The following ZNF704 variants were observed in gnomAD, a reference collection of about 807,000 sequenced individuals.
ZNF704 encodes the protein zinc finger protein 704, also known as glucocorticoid induced gene 1.
Under a neutral mutation model 44.7 loss-of-function variants are expected in ZNF704, and 10 were observed. That is an observed-to-expected ratio of 0.22 (90% CI 0.14 to 0.38). ZNF704 has a LOEUF of 0.38. Ranked by LOEUF, ZNF704 falls within the 10% of genes least tolerant of loss-of-function variation. The probability of loss-of-function intolerance (pLI) is 1.00; values close to 1 mark genes in which losing one functional copy is unlikely to be tolerated. For missense variants in ZNF704, 390 were observed against 545.5 expected, an observed-to-expected ratio of 0.71 and a Z score of 2.84; for synonymous variants, 211 against 207.6, an observed-to-expected ratio of 1.02 and a Z score of -0.14.
At chr8:80,741,520 A>C (rs1806756385) in intron 2 of ZNF704, among the ~76,000 whole-genome samples, 1 of 152,108 alleles carries the variant, frequency 6.6e-6, no homozygotes, top group Admixed American at 6.5e-5. Context: ...CAAGGAAGAG[A>C]TCTTATGTGT....
At chr8:80,825,820 A>C (rs1035268435) in intron 1 of ZNF704, among the ~76,000 whole-genome samples, 2 of 152,226 alleles carry the variant, frequency 1.3e-5, no homozygotes, top group African/African-American at 4.8e-5. Flanking sequence ...CTGCTCCTGA[A>C]TGACTACTGG....
At chr8:80,664,790 G>A in intron 6 of ZNF704, 25 bp downstream of exon 6, 2 of 1,612,584 alleles carry the variant, frequency 1.2e-6, no homozygotes, top group Non-Finnish European at 1.7e-6. Context: ...CAAAGTGATT[G>A]CTCTCACAGT....
chr8:80,705,617 A>C (rs1818884305), intron 2 of ZNF704, among the ~76,000 whole-genome samples: 1 of 150,312 alleles, frequency 6.7e-6, no homozygotes, highest in South Asian at 2.1e-4. Context: ...TGTGTGTGTC[A>C]ATCTCCGTGT....
At chr8:80,873,326 G>A (rs1745174491) in intron 1 of ZNF704, among the ~76,000 whole-genome samples, 1 of 152,084 alleles carries the variant, frequency 6.6e-6, no homozygotes, top group South Asian at 2.1e-4. Context: ...AGCGGGAGCC[G>A]CCGCCTGGGA....
chr8:80,878,294 A>AAGGAAGGT (rs879708667), upstream of ZNF704, among the ~76,000 whole-genome samples: 186 of 151,544 alleles, frequency 1.2e-3, 1 homozygote, highest in African/African-American at 4.3e-3. Flanking sequence ...GGAAGGAAGG[A>AAGGAAGGT]AGGAAGGAAG....
At chr8:80,643,152 A>G in intron 7 of ZNF704, 23 bp from the exon 8 acceptor site, 1 of 1,574,548 alleles carries the variant, frequency 6.4e-7, no homozygotes, top group Non-Finnish European at 8.7e-7. Context: ...TGGAAAAGAA[A>G]GTTGATGGGG....
rs1175978906 is a variant in ZNF704, at chr8:80,874,075, G to A, written c.-22+496C>T. Among the ~76,000 whole-genome samples, 1 of 146,890 alleles carries A rather than the reference G, an allele frequency of 6.8e-6. No homozygotes were observed. The highest frequency in any genetic ancestry group is 2.0e-4 in the East Asian group (1 of 5,070). On this transcript the variant is annotated intron_variant, in intron 1 of 8. Coordinates refer to ENST00000327835, the MANE Select transcript of ZNF704 (RefSeq NM_001033723.3). The surrounding 1 kb of genome is among the most constrained non-coding windows in gnomAD (Gnocchi z 4.4). Reference sequence around the variant, plus strand: ...AGCGCGGGGTTGCGGGCCGCGGCGCGGGGCCGGAGAGTTTGTCACCTCCTC... The same window carrying A: ...AGCGCGGGGTTGCGGGCCGCGGCGCAGGGCCGGAGAGTTTGTCACCTCCTC...
chr8:80,632,737 C>T lies in ZNF704; in HGVS notation c.*8629G>A, dbSNP rs540780139. The T allele has an allele frequency of 7.9e-5, 12 of 152,304 alleles. No homozygotes were observed. The highest frequency in any genetic ancestry group is 2.9e-4 in the African/African-American group (12 of 41,558). 9.4% of individuals were successfully genotyped at this position (152,304 alleles called of 1,614,324 possible). On this transcript the variant is annotated 3_prime_UTR_variant, in exon 9 of 9. Coordinates refer to ENST00000327835, the MANE Select transcript of ZNF704 (RefSeq NM_001033723.3). ...TCCTTTCAAAATCTGTGGTTACCTG[C>T]TTTCGGAACCATAGCTTTCTTCTTT...
intron 4 of ZNF704, among the ~76,000 whole-genome samples, chr8:80,685,268 T>C (rs1029390420): frequency 3.9e-5 from 6 of 152,312 alleles, no homozygotes; most frequent in Middle Eastern, 6.8e-3. Flanking sequence ...TGCAGTCTAA[T>C]TGTGATGGAA....
chr8:80,812,897 A>G (rs1808113001), intron 2 of ZNF704, among the ~76,000 whole-genome samples: 1 of 152,234 alleles, frequency 6.6e-6, no homozygotes, highest in South Asian at 2.1e-4. Context: ...TACAGAATCT[A>G]TAATGACAAG....
At chr8:80,842,429 T>C (rs1032428107) in intron 1 of ZNF704, among the ~76,000 whole-genome samples, 1 of 152,186 alleles carries the variant, frequency 6.6e-6, no homozygotes, top group Non-Finnish European at 1.5e-5. Flanking sequence ...TGATGGTTAA[T>C]GAAGAATGAA....
At chr8:80,645,218 G>A (rs757857692) in intron 7 of ZNF704, 32 of 1,542,294 alleles carry the variant, frequency 2.1e-5, no homozygotes, top group South Asian at 8.4e-5. Flanking sequence ...CCAACCTCCC[G>A]GAAAAAGAAT....
chr8:80,781,476 T>C (rs1262208225), intron 2 of ZNF704, among the ~76,000 whole-genome samples: 1 of 152,236 alleles, frequency 6.6e-6, no homozygotes, highest in Non-Finnish European at 1.5e-5. Flanking sequence ...TCTTTTGATT[T>C]TCCCCCAACC....
chr8:80,693,710 C>T (rs573061314), intron 2 of ZNF704, among the ~76,000 whole-genome samples: 1 of 152,012 alleles, frequency 6.6e-6, no homozygotes, highest in Non-Finnish European at 1.5e-5. Context: ...CAGGAATGTG[C>T]GGGAATGTTT....
chr8:80,771,526 A>C (rs1329346940), intron 2 of ZNF704, among the ~76,000 whole-genome samples: 1 of 152,192 alleles, frequency 6.6e-6, no homozygotes, highest in African/African-American at 2.4e-5. Flanking sequence ...CAGAAATGCA[A>C]CTGATTTTTG....
Position 80,670,704 on chromosome 8 carries a change from A to G in ZNF704, c.559-101T>C, listed in dbSNP as rs1818264891. 17 of 778,306 alleles carry G rather than the reference A, an allele frequency of 2.2e-5. No individual in the cohort carries two copies. In the South Asian group the frequency reaches 2.7e-4, roughly 13 times the overall value. The allele number at this position is 778,306 out of a possible 1,614,324, so 48.2% of individuals were successfully genotyped here. On this transcript the variant is annotated intron_variant, in intron 4 of 8. Coordinates refer to ENST00000327835, the MANE Select transcript of ZNF704 (RefSeq NM_001033723.3). ...TTTTTTCCTTCATTAGAAAAGTAGC[A>G]GCATCCCCAGCCTCTTGACTATAAC... is the stretch of plus-strand genomic sequence containing the variant.
chr8:80,700,514 T>G (rs955319691), intron 2 of ZNF704, among the ~76,000 whole-genome samples: 1 of 152,248 alleles, frequency 6.6e-6, no homozygotes, highest in African/African-American at 2.4e-5. Flanking sequence ...CAAGTTATTA[T>G]TATCCTCCTC....
chr8:80,748,932 C>A, intron 2 of ZNF704, among the ~76,000 whole-genome samples: 2 of 152,250 alleles, frequency 1.3e-5, no homozygotes, highest in Admixed American at 1.3e-4. Context: ...TTAACAAATA[C>A]TTATTTAGCA....
intron 1 of ZNF704, among the ~76,000 whole-genome samples, chr8:80,847,086 T>C (rs1025144331): frequency 6.6e-6 from 1 of 152,090 alleles, no homozygotes; most frequent in Non-Finnish European, 1.5e-5. Context: ...GGCAGGAGAA[T>C]CACTTGAACC....
Sources: gnomAD v4.1 joint callset for allele counts (sites outside exome capture counted in the v4.1 genomes callset) on GRCh38, gnomAD v4.1.1 for gene constraint, Gnocchi (gnomAD v3.1) non-coding constraint, MANE v1.5 for transcripts, NCBI Gene and HGNC (gene_info 2026-07-23, HGNC 2026-07-21) for gene names.